PCDHGB6: variants seen among roughly 807,000 people sequenced by gnomAD.
The protein encoded by PCDHGB6 is protocadherin gamma-B6.
In PCDHGB6, 51 loss-of-function variants were observed where a neutral mutation model predicts 59.1. The ratio of observed to expected loss-of-function variants is 0.86; its 90% CI spans 0.69 to 1.09. PCDHGB6 has a LOEUF of 1.09. PCDHGB6 is among the 50% of genes least tolerant of loss of function. PCDHGB6 has a pLI of 0.00. For missense variants in PCDHGB6, 1,148 were observed against 1,205.1 expected (o/e 0.95, Z 0.70); for synonymous variants, 466 against 495.1 (o/e 0.94, Z 0.78).
intron 1 of PCDHGB6, chr5:141,421,732 C>T: frequency 6.2e-7 from 1 of 1,613,934 alleles, no homozygotes; most frequent in Non-Finnish European, 8.5e-7. Flanking sequence ...GAACTCCCTC[C>T]AGAGCTACCA....
chr5:141,418,123 C>A (rs1049456676), intron 1 of PCDHGB6: 8 of 1,613,914 alleles, frequency 5.0e-6, no homozygotes, highest in Admixed American at 3.3e-5. Flanking sequence ...TTGTGAAGGA[C>A]CGAATAGACC....
intron 2 of PCDHGB6, among the ~76,000 whole-genome samples, chr5:141,495,922 C>G (rs1263216717): frequency 6.6e-6 from 1 of 152,100 alleles, no homozygotes; most frequent in Non-Finnish European, 1.5e-5. Context: ...CTTTCTTTGT[C>G]TCTGTCTCTG....
At chr5:141,465,494 G>C (rs2099104306) in intron 1 of PCDHGB6, among the ~76,000 whole-genome samples, 1 of 152,204 alleles carries the variant, frequency 6.6e-6, no homozygotes, top group African/African-American at 2.4e-5. Context: ...ATGAGCGGGA[G>C]CATTGTCGTG....
intron 1 of PCDHGB6, among the ~76,000 whole-genome samples, chr5:141,472,119 A>C (rs1015212535): frequency 6.6e-6 from 1 of 152,240 alleles, no homozygotes; most frequent in African/African-American, 2.4e-5. Context: ...AAAGAAAATA[A>C]AAGAGAAGTT....
chr5:141,421,861 C>T, intron 1 of PCDHGB6: 2 of 1,613,738 alleles, frequency 1.2e-6, no homozygotes, highest in South Asian at 2.2e-5. Flanking sequence ...TCACCTGCTC[C>T]TCCTCACAGC....
At position 141,476,356 on chromosome 5, in the gene PCDHGB6, C is replaced by T. The variant is rs757679991; in HGVS notation, c.2419-18451C>T. The stretch of plus-strand genomic sequence containing the variant: ...CTAGCCGAAGATTCTTTGAGGTGAA[C>T]CGGGAGACCGGAGAGATGTTTGTGA... On this transcript the variant is annotated intron_variant, in intron 1 of 3. Coordinates refer to ENST00000520790, the MANE Select transcript of PCDHGB6 (RefSeq NM_018926.3). This position sits in a 1 kb window ranked among gnomAD's most constrained non-coding sequence, Gnocchi z 7.6. 6 of 1,613,958 alleles carry T rather than the reference C, an allele frequency of 3.7e-6. No individual in the cohort carries two copies. The African/African-American group carries it at 4.0e-5, about 11-fold the overall frequency.
chr5:141,422,421 T>C, intron 1 of PCDHGB6: 1 of 1,607,810 alleles, frequency 6.2e-7, no homozygotes, highest in Non-Finnish European at 8.5e-7. Context: ...TAGAAAAGAC[T>C]TATGGAAATT....
intron 1 of PCDHGB6, among the ~76,000 whole-genome samples, chr5:141,457,975 C>T (rs2098934043): frequency 6.6e-6 from 1 of 152,202 alleles, no homozygotes; most frequent in South Asian, 2.1e-4. Context: ...AAGGGAAACA[C>T]ACCCTTTCAG....
At chr5:141,507,810 G>C (rs550331241) in intron 3 of PCDHGB6, among the ~76,000 whole-genome samples, 5 of 152,172 alleles carry the variant, frequency 3.3e-5, no homozygotes, top group Non-Finnish European at 2.9e-5. Context: ...CCTGGGGAAC[G>C]GACCCTGGGG....
intron 1 of PCDHGB6, among the ~76,000 whole-genome samples, chr5:141,481,250 C>A (rs1160186962): frequency 2.6e-5 from 4 of 152,144 alleles, no homozygotes; most frequent in Non-Finnish European, 5.9e-5. Context: ...TAGCATAGCT[C>A]TAAAAGATCA....
Position 141,409,196 on chromosome 5 carries a change from A to G in PCDHGB6, c.994A>G (p.Lys332Glu), listed in dbSNP as rs1197077093. The G allele has an allele frequency of 1.2e-6, 2 of 1,613,926 alleles. No individual in the cohort carries two copies. The highest frequency in any genetic ancestry group is 1.7e-6 in the Non-Finnish European group (2 of 1,179,906). ...KDGGGLSTQC[K>E]VIIEILDEND... Reference sequence around the variant, plus strand: ...CGGAGGTGGTCTCTCTACCCAGTGTAAAGTAATCATAGAAATCCTTGATGA... The same window carrying G: ...CGGAGGTGGTCTCTCTACCCAGTGTGAAGTAATCATAGAAATCCTTGATGA... Residue 332 changes from lysine to glutamate, a missense_variant, in exon 1 of 4, where the codon AAA becomes GAA. Lys to Glu is a moderately conservative substitution (Grantham distance 56). Coordinates refer to ENST00000520790, the MANE Select transcript of PCDHGB6 (RefSeq NM_018926.3).
intron 1 of PCDHGB6, among the ~76,000 whole-genome samples, chr5:141,480,195 G>C (rs1350891459): frequency 6.6e-6 from 1 of 151,182 alleles, no homozygotes; most frequent in African/African-American, 2.4e-5. Flanking sequence ...CTTGAGGCCA[G>C]CAGTTCAAGA....
chr5:141,434,509 T>C (rs1480014539), intron 1 of PCDHGB6, among the ~76,000 whole-genome samples: 3 of 152,232 alleles, frequency 2.0e-5, no homozygotes, highest in Non-Finnish European at 4.4e-5. Context: ...AGAAAACTGC[T>C]TAAAGGTGTT....
At chr5:141,415,490 T>C in intron 1 of PCDHGB6, 2 of 1,614,228 alleles carry the variant, frequency 1.2e-6, no homozygotes, top group Admixed American at 3.3e-5. Flanking sequence ...AAGAGTCACC[T>C]GATCTTCCCC....
In PCDHGB6 at chr5:141,493,511, T is replaced by G. The variant is rs1203329648; in HGVS notation, c.2419-1296T>G. Among the ~76,000 whole-genome samples the G allele has an allele frequency of 6.6e-6, 1 of 152,094 alleles. No individual in the cohort carries two copies. Reference sequence around the variant, plus strand: ...TCTGTGGCTCCTCATTTCTGAGCAGTCCCCGCAGCGCAAACTTGGCCAGTT... The same window carrying G: ...TCTGTGGCTCCTCATTTCTGAGCAGGCCCCGCAGCGCAAACTTGGCCAGTT... On this transcript the variant is annotated intron_variant, in intron 1 of 3. Coordinates refer to ENST00000520790, the MANE Select transcript of PCDHGB6 (RefSeq NM_018926.3). This position sits in a 1 kb window ranked among gnomAD's most constrained non-coding sequence, Gnocchi z 4.3.
rs149553852 is a variant in PCDHGB6 at position 141,415,009 on chromosome 5, C to T, written c.2418+4389C>T. On this transcript the variant is annotated intron_variant, in intron 1 of 3. Coordinates refer to ENST00000520790, the MANE Select transcript of PCDHGB6 (RefSeq NM_018926.3). ...CCAGAACGCCTGGCTGTCCTACCGT[C>T]TGCTCAAGGCCAGCGAGCCGGGACT... 1.9e-3 allele frequency: 3,040 copies of T among 1,613,658 alleles called. 49 individuals are homozygous for T. In the African/African-American group the frequency reaches 0.033, roughly 18 times the overall value.
intron 1 of PCDHGB6, among the ~76,000 whole-genome samples, chr5:141,461,046 G>A (rs984653754): frequency 6.6e-6 from 1 of 151,578 alleles, no homozygotes; most frequent in Non-Finnish European, 1.5e-5. Context: ...AGTCGATGGG[G>A]ACTTAGGTTG....
chr5:141,506,207 TTGGGAAGCTGAG>T (rs1487107822), intron 3 of PCDHGB6, among the ~76,000 whole-genome samples: 1 of 152,020 alleles, frequency 6.6e-6, no homozygotes, highest in Non-Finnish European at 1.5e-5. Flanking sequence ...TCCCAGCACT[TTGGGAAGCTGAG>T]GCAGGAGGAT....
intron 1 of PCDHGB6, among the ~76,000 whole-genome samples, chr5:141,437,771 A>G (rs971065583): frequency 7.9e-5 from 12 of 151,238 alleles, no homozygotes; most frequent in Admixed American, 6.6e-5. Context: ...CAGAGTCTCA[A>G]TCTGTCGCCA....
Sources: gnomAD v4.1 joint callset for allele counts (sites outside exome capture counted in the v4.1 genomes callset) on GRCh38, gnomAD v4.1.1 for gene constraint, Gnocchi (gnomAD v3.1) non-coding constraint, MANE v1.5 for transcripts, NCBI Gene and HGNC (gene_info 2026-07-23, HGNC 2026-07-21) for gene names.